C8orf34: variants seen among roughly 807,000 people sequenced by gnomAD.
C8orf34 encodes uncharacterized protein C8orf34.
In C8orf34, 65 loss-of-function variants were observed where a neutral mutation model predicts 68.3. The observed-to-expected ratio is 0.95, with a 90% CI of 0.78 to 1.17. C8orf34 has a LOEUF of 1.17. Among genes scored for constraint, C8orf34 ranks in the 50% most tolerant of loss-of-function variants. The pLI is 0.00. For synonymous variants in C8orf34, 244 were observed against 241.2 expected (o/e 1.01, Z -0.11); for missense variants, 664 against 655.4 (o/e 1.01, Z -0.14).
At position 68,469,069 on chromosome 8, in the gene C8orf34, A is replaced by G. The variant is rs367583117; in HGVS notation, c.736+249A>G. Reference sequence around the variant, plus strand: ...AGCTGTTTGGCTCCAACACTTGTACATGGTTTCTGTTATCCAGTTTAAATA... The same window carrying G: ...AGCTGTTTGGCTCCAACACTTGTACGTGGTTTCTGTTATCCAGTTTAAATA... On this transcript the variant is annotated intron_variant, in intron 4 of 13. Coordinates refer to ENST00000518698, the MANE Select transcript of C8orf34 (RefSeq NM_052958.4). Among the ~76,000 whole-genome samples the G allele has an allele frequency of 7.2e-5, 11 of 152,020 alleles. No individual in the cohort carries two copies. The East Asian group carries it at 1.3e-3, about 19-fold the overall frequency.
intron 1 of C8orf34, among the ~76,000 whole-genome samples, chr8:68,362,584 T>C (rs1012199391): frequency 2.0e-5 from 3 of 152,014 alleles, no homozygotes; most frequent in African/African-American, 7.2e-5. Flanking sequence ...TTCAAGTGGG[T>C]CCCTGACCCC....
At chr8:68,683,653 A>T (rs1820431734) in intron 8 of C8orf34, among the ~76,000 whole-genome samples, 1 of 152,164 alleles carries the variant, frequency 6.6e-6, no homozygotes. Flanking sequence ...ACGTATCTCA[A>T]CAACTTTTAA....
At chr8:68,420,534 C>CAA (rs1034500545) in intron 1 of C8orf34, among the ~76,000 whole-genome samples, 1 of 150,752 alleles carries the variant, frequency 6.6e-6, no homozygotes, top group African/African-American at 2.4e-5. Flanking sequence ...ACATGTGGCA[C>CAA]ACACACACAC....
chr8:68,751,371 T>G (rs1822703633), intron 10 of C8orf34, among the ~76,000 whole-genome samples: 1 of 152,184 alleles, frequency 6.6e-6, no homozygotes, highest in Non-Finnish European at 1.5e-5. Flanking sequence ...GCATTAGAGT[T>G]GACTGCCAGG....
chr8:68,450,753 T>C (rs1166294160), intron 3 of C8orf34, among the ~76,000 whole-genome samples: 1 of 152,102 alleles, frequency 6.6e-6, no homozygotes, highest in Non-Finnish European at 1.5e-5. Context: ...CCAGGCTTTG[T>C]TGTTTTATCT....
chr8:68,371,787 A>G (rs1563385135), intron 1 of C8orf34, among the ~76,000 whole-genome samples: 1 of 151,866 alleles, frequency 6.6e-6, no homozygotes, highest in Non-Finnish European at 1.5e-5. Flanking sequence ...TTTAGTAGAG[A>G]GGTGATTTCA....
At chr8:68,586,146 T>C (rs2130389279) in intron 7 of C8orf34, among the ~76,000 whole-genome samples, 1 of 152,278 alleles carries the variant, frequency 6.6e-6, no homozygotes, top group South Asian at 2.1e-4. Context: ...ACATCTGGCT[T>C]TGATTACACA....
intron 1 of C8orf34, among the ~76,000 whole-genome samples, chr8:68,361,425 G>A (rs965381195): frequency 1.1e-4 from 16 of 152,286 alleles, no homozygotes; most frequent in African/African-American, 3.6e-4. Flanking sequence ...GGAGGCCTCT[G>A]AGAGTCTTCA....
chr8:68,535,906 C>A (rs974462810), intron 7 of C8orf34: 2 of 969,578 alleles, frequency 2.1e-6, no homozygotes, highest in South Asian at 4.8e-5. Context: ...AAAGTATCTG[C>A]CAAGTCATCT....
chr8:68,597,771 T>A (rs1817589815), intron 7 of C8orf34, among the ~76,000 whole-genome samples: 1 of 152,156 alleles, frequency 6.6e-6, no homozygotes, highest in Non-Finnish European at 1.5e-5. Flanking sequence ...ATATAACTAC[T>A]AGGAAAGAGT....
chr8:68,534,107 T>A (rs1361323221), intron 7 of C8orf34: 1 of 982,574 alleles, frequency 1.0e-6, no homozygotes, highest in Non-Finnish European at 1.2e-6. Flanking sequence ...TAAAATACTA[T>A]CATTATAAAA....
chr8:68,422,073 G>A (rs1033027835), intron 1 of C8orf34, among the ~76,000 whole-genome samples: 4 of 152,120 alleles, frequency 2.6e-5, no homozygotes, highest in African/African-American at 9.7e-5. Context: ...ACAATTCAAG[G>A]TGAGATTTGG....
intron 5 of C8orf34, among the ~76,000 whole-genome samples, chr8:68,504,169 T>C (rs1244893661): frequency 6.6e-6 from 1 of 152,244 alleles, no homozygotes; most frequent in Non-Finnish European, 1.5e-5. Flanking sequence ...AAATTTCATA[T>C]AAATGTAATC....
intron 3 of C8orf34, among the ~76,000 whole-genome samples, chr8:68,457,760 T>C (rs1023474406): frequency 6.6e-6 from 1 of 152,170 alleles, no homozygotes; most frequent in Non-Finnish European, 1.5e-5. Context: ...TCTGCGTCAG[T>C]GACCCCAAAG....
intron 7 of C8orf34, among the ~76,000 whole-genome samples, chr8:68,596,897 T>G (rs1326412228): frequency 6.6e-6 from 1 of 152,164 alleles, no homozygotes; most frequent in Non-Finnish European, 1.5e-5. Context: ...TACAGAGAAC[T>G]GTTTCCTGTT....
chr8:68,357,375 A>G (rs1806793721), intron 1 of C8orf34, among the ~76,000 whole-genome samples: 1 of 152,154 alleles, frequency 6.6e-6, no homozygotes, highest in Admixed American at 6.5e-5. Flanking sequence ...AAAAAGTTTC[A>G]GCTTTCGATT....
At chr8:68,451,248 A>G (rs1322801512) in intron 3 of C8orf34, among the ~76,000 whole-genome samples, 3 of 152,080 alleles carry the variant, frequency 2.0e-5, no homozygotes, top group African/African-American at 7.2e-5. Context: ...GGCTGATTTG[A>G]TCTTCTATCC....
chr8:68,605,473 A>G (rs950922148), intron 7 of C8orf34, among the ~76,000 whole-genome samples: 18 of 151,880 alleles, frequency 1.2e-4, no homozygotes, highest in African/African-American at 4.4e-4. Flanking sequence ...GTTCTTCAGT[A>G]GGTTAATGGA....
intron 10 of C8orf34, among the ~76,000 whole-genome samples, chr8:68,728,552 A>T (rs1480631033): frequency 1.3e-5 from 2 of 152,240 alleles, no homozygotes; most frequent in Non-Finnish European, 2.9e-5. Flanking sequence ...GGCTGGGAAC[A>T]GAATGATAGC....
Sources: gnomAD v4.1 joint callset for allele counts (sites outside exome capture counted in the v4.1 genomes callset) on GRCh38, gnomAD v4.1.1 for gene constraint, MANE v1.5 for transcripts, NCBI Gene and HGNC (gene_info 2026-07-23, HGNC 2026-07-21) for gene names.